Variants in LMF1 observed in about 807,000 individuals in gnomAD.
LMF1 encodes the protein lipase maturation factor 1.
In LMF1, 68 loss-of-function variants were observed where a neutral mutation model predicts 60.6. The ratio of observed to expected loss-of-function variants is 1.12; its 90% CI spans 0.92 to 1.37. The LOEUF is 1.37. Among genes scored for constraint, LMF1 ranks in the 40% most tolerant of loss-of-function variants. LMF1 has a pLI of 0.00. For synonymous variants in LMF1, 418 were observed against 324.7 expected (o/e 1.29, Z -3.09); for missense variants, 948 against 767.2 (o/e 1.24, Z -2.78).
rs1191364073 is a variant in LMF1 at position 878,227 on chromosome 16, G to A, written c.897+1343C>T. On this transcript the variant is annotated intron_variant, in intron 6 of 10. Coordinates refer to ENST00000262301, the MANE Select transcript of LMF1 (RefSeq NM_022773.4). This position sits in a 1 kb window ranked among gnomAD's most constrained non-coding sequence, Gnocchi z 5.2. The stretch of plus-strand genomic sequence containing the variant: ...CAGAGAGAAACGTGCGGTCCTGGCT[G>A]GGGGACGATCTGTGAGCAAGTCCGT... 2.0e-5 allele frequency among the ~76,000 whole-genome samples: 3 copies of A among 152,282 alleles called. No individual in the cohort carries two copies. Among genetic ancestry groups the A allele is most frequent in the South Asian group, 2.1e-4 (1 of 4,822 alleles).
At chr16:881,754 G>C (rs1324489020) in intron 5 of LMF1, among the ~76,000 whole-genome samples, 1 of 152,186 alleles carries the variant, frequency 6.6e-6, no homozygotes, top group Non-Finnish European at 1.5e-5. Context: ...ACCCATGCAG[G>C]AGGCAGCAGG....
rs1381244986 is a variant in LMF1 at position 871,125 on chromosome 16, T to C, written c.1078+36A>G. On this transcript the variant is annotated intron_variant, in intron 7 of 10. Transcript: ENST00000262301. ...GGGCTGGCACCACCCGACTTTCTCC[T>C]GCCCTTGGGCAGGGGCCCCCAGCTG... 5.3e-6 allele frequency: 8 copies of C among 1,520,342 alleles called. No individual in the cohort carries two copies. The African/African-American group carries it at 8.3e-5, about 16-fold the overall frequency. The allele number at this position is 1,520,342 out of a possible 1,614,324, so 94.2% of individuals were successfully genotyped here.
rs780174157 is a variant in LMF1, at chr16:853,775, C to T, written c.*757G>A. The T allele has an allele frequency of 4.4e-6, 2 of 454,052 alleles. No homozygotes were observed. Among genetic ancestry groups the T allele is most frequent in the South Asian group, 3.1e-5 (2 of 64,474 alleles). The allele number at this position is 454,052 out of a possible 1,614,324, so 28.1% of individuals were successfully genotyped here. On this transcript the variant is annotated 3_prime_UTR_variant, in exon 11 of 11. Transcript: ENST00000262301. ...GAAAGTGTGCACGGCCGGCTGTCCT[C>T]CGATTGAGGGGCCTTGTCAAGGCCT...
At chr16:910,846 A>C (rs1191643108) in intron 4 of LMF1, 85 bp downstream of exon 4, 6 of 1,560,210 alleles carry the variant, frequency 3.8e-6, no homozygotes, top group South Asian at 1.1e-5. Context: ...GGGAGGAAGG[A>C]AACAGCCTCA....
chr16:974,493 G>A (rs1193587300), upstream of LMF1, among the ~76,000 whole-genome samples: 1 of 152,202 alleles, frequency 6.6e-6, no homozygotes, highest in South Asian at 2.1e-4. Flanking sequence ...AGGGCTGCCC[G>A]GTGCTGGGGG....
In LMF1 at chr16:878,967, G is replaced by C. The variant is rs942801914; in HGVS notation, c.897+603C>G. 6.6e-6 allele frequency among the ~76,000 whole-genome samples: 1 copy of C among 152,150 alleles called. No individual in the cohort carries two copies. Among genetic ancestry groups the C allele is most frequent in the Non-Finnish European group, 1.5e-5 (1 of 68,034 alleles). On this transcript the variant is annotated intron_variant, in intron 6 of 10. Transcript: ENST00000262301. The surrounding 1 kb of genome is among the most constrained non-coding windows in gnomAD (Gnocchi z 5.2). ...CGTTTACAGGGAAAAGCAAAGGCTC[G>C]GGACTGGCCCAGCCCCCCTGGAGGC... is the stretch of plus-strand genomic sequence containing the variant.
chr16:955,324 TAC>T (rs1292684134), intron 1 of LMF1, among the ~76,000 whole-genome samples: 2 of 143,596 alleles, frequency 1.4e-5, no homozygotes, highest in East Asian at 2.1e-4. Flanking sequence ...GGTGTGTGCA[TAC>T]ACACACACAC....
At chr16:900,679 TTATGTGTGTGTGTGTGTGTGTG>T (rs1323647847) in intron 4 of LMF1, 3 of 108,674 alleles carry the variant, frequency 2.8e-5, no homozygotes, top group Non-Finnish European at 2.0e-5. Context: ...CTGCTAATTT[TTATGTGTGTGTGTGTGTGTGTG>T]TGTGTGTGTG....
At chr16:877,672 G>T (rs2070031425) in intron 6 of LMF1, among the ~76,000 whole-genome samples, 3 of 152,184 alleles carry the variant, frequency 2.0e-5, no homozygotes, top group African/African-American at 7.2e-5. Context: ...ATCGTGAGAG[G>T]CAGTGCGCGG....
chr16:967,236 G>A (rs2072942775), intron 1 of LMF1, among the ~76,000 whole-genome samples: 1 of 152,230 alleles, frequency 6.6e-6, no homozygotes, highest in Non-Finnish European at 1.5e-5. Flanking sequence ...TGGCTGACGA[G>A]GCTCCAGACC....
rs778438058 is a variant in LMF1 at position 870,773 on chromosome 16, G to T, written c.1188C>A (p.His396Gln). The T allele has an allele frequency of 1.2e-6, 2 of 1,613,080 alleles. No individual in the cohort carries two copies. Among genetic ancestry groups the T allele is most frequent in the South Asian group, 2.2e-5 (2 of 91,086 alleles). The part of the protein sequence containing the change: ...LLSSRQVMNT[H>Q]FNSLHIVNTY... ...TGTTGACGATGTGAAGAGAGTTGAAGTGGGTGTTCATGACCTGCCTGGAGC... is the reference window on the plus strand; with the variant it reads ...TGTTGACGATGTGAAGAGAGTTGAATTGGGTGTTCATGACCTGCCTGGAGC... Residue 396 changes from histidine to glutamine, a missense_variant, in exon 8 of 11, where the codon CAC becomes CAA. Transcript: ENST00000262301.
Position 962,831 on chromosome 16 carries a change from A to T in LMF1, c.193+7957T>A, listed in dbSNP as rs117257753. Reference sequence around the variant, plus strand: ...TAATAGTTTTATTTTTAATAAAAAAATTTTAAAAAGTAAAGGTTTCTCGAA... The same window carrying T: ...TAATAGTTTTATTTTTAATAAAAAATTTTTAAAAAGTAAAGGTTTCTCGAA... On this transcript the variant is annotated intron_variant, in intron 1 of 10. Transcript: ENST00000262301. This position sits in a 1 kb window ranked among gnomAD's most constrained non-coding sequence, Gnocchi z 4.5. Among the ~76,000 whole-genome samples, 2 of 152,134 alleles carry T rather than the reference A, an allele frequency of 1.3e-5. No homozygotes were observed. Among genetic ancestry groups the T allele is most frequent in the Admixed American group, 6.5e-5 (1 of 15,274 alleles).
chr16:915,873 CGGAGCAGGTGAGACTTGGGGGCCT>C (rs1044272778), intron 3 of LMF1, among the ~76,000 whole-genome samples: 10 of 151,784 alleles, frequency 6.6e-5, no homozygotes, highest in African/African-American at 2.4e-4. Context: ...ACGCGGGGGC[CGGAGCAGGTGAGACTTGGGGGCCT>C]GGGGCAGGTG....
intron 2 of LMF1, among the ~76,000 whole-genome samples, chr16:951,208 C>T (rs1179742105): frequency 6.7e-6 from 1 of 148,932 alleles, no homozygotes; most frequent in African/African-American, 2.5e-5. Context: ...CAGAGTCAGC[C>T]AATGACAGAG....
intron 3 of LMF1, among the ~76,000 whole-genome samples, chr16:922,621 CGTGTTGTTGCG>C (rs2071466123): frequency 1.0e-5 from 1 of 98,426 alleles, no homozygotes; most frequent in African/African-American, 3.6e-5. Context: ...GGTGTTGGTG[CGTGTTGTTGCG>C]AAGGCCCTGT....
In LMF1 at chr16:954,678, A is replaced by G. The variant is rs569771925; in HGVS notation, c.194-12T>C. 1.1e-4 allele frequency: 171 copies of G among 1,576,792 alleles called. 4 individuals carry two copies. In the South Asian group the frequency reaches 1.8e-3, roughly 17 times the overall value. ...CAGGAATGCCACGACTGGAAGAAAA[A>G]GAAGACAAAACAAGCATGACTAGGA... On this transcript the variant is annotated splice_polypyrimidine_tract_variant and intron_variant, in intron 1 of 10. Transcript: ENST00000262301.
chr16:934,932 C>T (rs1034995831), intron 2 of LMF1, among the ~76,000 whole-genome samples: 4 of 152,222 alleles, frequency 2.6e-5, no homozygotes, highest in African/African-American at 7.2e-5. Context: ...TATGGTCCCG[C>T]AAGAGGCGGG....
upstream of LMF1, among the ~76,000 whole-genome samples, chr16:974,297 T>G (rs2073095219): frequency 6.6e-6 from 1 of 152,198 alleles, no homozygotes; most frequent in African/African-American, 2.4e-5. Context: ...CCTTTCACCC[T>G]GCAGCTCAGT....
intron 10 of LMF1, among the ~76,000 whole-genome samples, chr16:863,200 G>A (rs955129034): frequency 2.6e-5 from 4 of 152,138 alleles, no homozygotes; most frequent in African/African-American, 9.7e-5. Context: ...GAATCTTGTG[G>A]TGTCGCCCAG....
Sources: allele counts gnomAD v4.1 joint callset (sites outside exome capture counted in the v4.1 genomes callset), GRCh38; gene constraint gnomAD v4.1.1; non-coding constraint Gnocchi (gnomAD v3.1); transcripts MANE v1.5; gene names NCBI Gene and HGNC (gene_info 2026-07-23, HGNC 2026-07-21).